The following ELAPOR1 variants were observed in gnomAD, a reference collection of about 807,000 sequenced individuals.
The protein encoded by ELAPOR1 is endosome/lysosome-associated apoptosis and autophagy regulator 1.
In ELAPOR1, 77 loss-of-function variants were observed where a neutral mutation model predicts 119.7. The ratio of observed to expected loss-of-function variants is 0.64; its 90% CI spans 0.54 to 0.78. The LOEUF (loss-of-function observed/expected upper bound fraction) is 0.78, where lower values mean the gene tolerates loss of function less well. Ranked by LOEUF, ELAPOR1 falls within the 30% of genes least tolerant of loss-of-function variation. The pLI, the probability that ELAPOR1 is intolerant of heterozygous loss-of-function variation, is 0.00. For missense variants in ELAPOR1, 1,115 were observed against 1,270.4 expected (o/e 0.88, Z 1.86); for synonymous variants, 481 against 487.2 (o/e 0.99, Z 0.17).
intron 1 of ELAPOR1, among the ~76,000 whole-genome samples, chr1:109,159,346 T>C (rs1172326357): frequency 6.6e-6 from 1 of 152,204 alleles, no homozygotes; most frequent in Non-Finnish European, 1.5e-5. Flanking sequence ...GGAACCACCA[T>C]TTCCTCAGCA....
At chr1:109,173,247 T>A (rs1011176813) in intron 5 of ELAPOR1, among the ~76,000 whole-genome samples, 1 of 151,958 alleles carries the variant, frequency 6.6e-6, no homozygotes, top group African/African-American at 2.4e-5. Context: ...ATGCTCATGG[T>A]ATATATGATC....
At chr1:109,165,402 G>A (rs1182425212) in intron 3 of ELAPOR1, among the ~76,000 whole-genome samples, 1 of 152,064 alleles carries the variant, frequency 6.6e-6, no homozygotes, top group East Asian at 1.9e-4. Flanking sequence ...ACCTGGCCAT[G>A]GTGAAACCCC....
At chr1:109,181,352 A>G (rs1041820436) in intron 7 of ELAPOR1, among the ~76,000 whole-genome samples, 5 of 152,204 alleles carry the variant, frequency 3.3e-5, no homozygotes, top group African/African-American at 1.2e-4. Flanking sequence ...GGCCAATCCT[A>G]CTTAAGTCAC....
intron 21 of ELAPOR1, among the ~76,000 whole-genome samples, chr1:109,201,974 C>T (rs929009112): frequency 1.3e-5 from 2 of 152,194 alleles, no homozygotes; most frequent in African/African-American, 2.4e-5. Context: ...GTGGAGCATG[C>T]CAGTAGTCTC....
At chr1:109,141,765 A>G (rs1649841843) in intron 1 of ELAPOR1, among the ~76,000 whole-genome samples, 1 of 151,654 alleles carries the variant, frequency 6.6e-6, no homozygotes, top group Non-Finnish European at 1.5e-5. Flanking sequence ...TCCCAGGCTC[A>G]CATGATCCTC....
Position 109,188,030 on chromosome 1 carries a change from G to A in ELAPOR1, c.1042-147G>A, listed in dbSNP as rs529806517. ...TGGGCTAGGTGCTTGGGATACATCCGTGAGCCACACAAAGTTCCCCACCCC... is the reference window on the plus strand; with the variant it reads ...TGGGCTAGGTGCTTGGGATACATCCATGAGCCACACAAAGTTCCCCACCCC... On this transcript the variant is annotated intron_variant, in intron 8 of 21. Transcript: ENST00000369939. 330 of 1,418,600 alleles carry A rather than the reference G, an allele frequency of 2.3e-4. 4 individuals carry two copies. The South Asian group carries it at 4.6e-3, about 20-fold the overall frequency. 87.9% of individuals were successfully genotyped at this position (1,418,600 alleles called of 1,614,324 possible).
At chr1:109,187,890 C>T in intron 8 of ELAPOR1, 10 of 1,128,966 alleles carry the variant, frequency 8.9e-6, no homozygotes, top group Non-Finnish European at 1.1e-5. Context: ...GGAGCTTTCT[C>T]TAAGACAACT....
intron 6 of ELAPOR1, 26 bp downstream of exon 6, chr1:109,173,605 C>G: frequency 1.2e-6 from 2 of 1,613,392 alleles, no homozygotes; most frequent in Non-Finnish European, 1.7e-6. Flanking sequence ...TTACTGACTT[C>G]CTGGGCTGTT....
chr1:109,177,293 T>C (rs1187424017), intron 7 of ELAPOR1, among the ~76,000 whole-genome samples: 1 of 146,370 alleles, frequency 6.8e-6, no homozygotes, highest in Non-Finnish European at 1.5e-5. Context: ...GCTCCTCACT[T>C]CCCAGACGGG....
intron 1 of ELAPOR1, among the ~76,000 whole-genome samples, chr1:109,154,485 C>A (rs895489783): frequency 3.3e-5 from 5 of 152,232 alleles, no homozygotes; most frequent in African/African-American, 1.2e-4. Flanking sequence ...GTCTTTTGTT[C>A]CTCGTCTCAG....
chr1:109,189,845 C>T (rs1309198979), intron 11 of ELAPOR1, among the ~76,000 whole-genome samples, 163 bp downstream of exon 11: 1 of 152,162 alleles, frequency 6.6e-6, no homozygotes. Context: ...TAACCCAATG[C>T]TATCACGTTT....
chr1:109,135,902 G>C (rs1266391899), intron 1 of ELAPOR1, among the ~76,000 whole-genome samples: 1 of 152,232 alleles, frequency 6.6e-6, no homozygotes, highest in African/African-American at 2.4e-5. Context: ...GAAAATTAAA[G>C]AGATAAAATG....
chr1:109,191,558 C>T (rs947534486), intron 12 of ELAPOR1, 87 bp downstream of exon 12: 13 of 1,370,166 alleles, frequency 9.5e-6, no homozygotes, highest in Non-Finnish European at 1.2e-5. Context: ...GTGACTGACA[C>T]CCCCCCTTGT....
chr1:109,133,293 T>C (rs1208387749), intron 1 of ELAPOR1, among the ~76,000 whole-genome samples: 3 of 151,754 alleles, frequency 2.0e-5, no homozygotes, highest in Non-Finnish European at 4.4e-5. Flanking sequence ...AATATATGAA[T>C]GCTATATAAG....
Position 109,173,470 on chromosome 1 carries a change from T to C in ELAPOR1, c.697-4T>C, listed in dbSNP as rs1652050391. 6.2e-7 allele frequency: 1 copy of C among 1,613,166 alleles called. No individual in the cohort carries two copies. Among genetic ancestry groups the C allele is most frequent in the Non-Finnish European group, 8.5e-7 (1 of 1,179,422 alleles). ...GAATGAATGCTCCTGTTTGTGGTTT[T>C]TAGGTGGAGCTAAATCGAGGCAATA... On this transcript the variant is annotated splice_polypyrimidine_tract_variant and splice_region_variant and intron_variant, in intron 5 of 21. Coordinates refer to ENST00000369939, the MANE Select transcript of ELAPOR1 (RefSeq NM_020775.5).
intron 8 of ELAPOR1, 125 bp from the exon 9 acceptor site, chr1:109,188,052 C>T: frequency 6.9e-7 from 1 of 1,449,066 alleles, no homozygotes; most frequent in East Asian, 2.5e-5. Context: ...AAGTTCCCCA[C>T]CCCAGAGGAG....
At chr1:109,145,375 G>T (rs531148938) in intron 1 of ELAPOR1, among the ~76,000 whole-genome samples, 23 of 152,284 alleles carry the variant, frequency 1.5e-4, no homozygotes, top group African/African-American at 4.6e-4. Flanking sequence ...GAAATTTAAG[G>T]CTGGGCACAG....
chr1:109,128,766 G>C (rs924013664), intron 1 of ELAPOR1, among the ~76,000 whole-genome samples: 13 of 152,178 alleles, frequency 8.5e-5, no homozygotes, highest in African/African-American at 3.1e-4. Flanking sequence ...GATTTTACAT[G>C]CTTCAGAATT....
chr1:109,159,330 A>G (rs1487132648), intron 1 of ELAPOR1, among the ~76,000 whole-genome samples: 1 of 152,232 alleles, frequency 6.6e-6, no homozygotes, highest in African/African-American at 2.4e-5. Context: ...AAATTTTCTT[A>G]GGCTTGGAAC....
Sources: allele counts gnomAD v4.1 joint callset (sites outside exome capture counted in the v4.1 genomes callset), GRCh38; gene constraint gnomAD v4.1.1; transcripts MANE v1.5; gene names NCBI Gene and HGNC (gene_info 2026-07-23, HGNC 2026-07-21).